IMMP2L: variants seen among roughly 807,000 people sequenced by gnomAD.
The protein encoded by IMMP2L is inner mitochondrial membrane peptidase subunit 2, also known as mitochondrial inner membrane protease subunit 2.
In IMMP2L, 18 loss-of-function variants were observed where a neutral mutation model predicts 19.3. The ratio of observed to expected loss-of-function variants is 0.93; its 90% CI spans 0.64 to 1.38. The LOEUF (loss-of-function observed/expected upper bound fraction) is 1.38. Ranked by LOEUF, IMMP2L falls within the 40% of genes most tolerant of loss-of-function variation. IMMP2L has a pLI of 0.00. For missense variants in IMMP2L, 233 were observed against 218.2 expected (o/e 1.07, Z -0.43); for synonymous variants, 76 against 73.0 (o/e 1.04, Z -0.21).
At chr7:111,301,862 C>G (rs1422113073) in intron 3 of IMMP2L, among the ~76,000 whole-genome samples, 1 of 129,112 alleles carries the variant, frequency 7.7e-6, no homozygotes, top group Non-Finnish European at 1.6e-5. Flanking sequence ...TATAGCTATA[C>G]AGTAGGTCTT....
intron 3 of IMMP2L, among the ~76,000 whole-genome samples, chr7:111,058,530 G>C (rs755361948): frequency 7.2e-5 from 11 of 152,008 alleles, no homozygotes; most frequent in South Asian, 2.1e-4. Context: ...AAGAGAACAG[G>C]GTTCCTTATA....
Position 110,822,897 on chromosome 7 carries a change from T to G in IMMP2L, c.408+63696A>C, listed in dbSNP as rs1803160498. The stretch of plus-strand genomic sequence containing the variant: ...ACAGAATGTAAGAAGTATGTCTTAT[T>G]CTATGTCTTATTCAAGGCTGGGGCC... On this transcript the variant is annotated intron_variant, in intron 5 of 5. Coordinates refer to ENST00000405709, the MANE Select transcript of IMMP2L (RefSeq NM_032549.4). Among the ~76,000 whole-genome samples, 3 of 152,120 alleles carry G rather than the reference T, an allele frequency of 2.0e-5. No homozygotes were observed. The South Asian group carries it at 6.2e-4, about 32-fold the overall frequency.
intron 1 of IMMP2L, among the ~76,000 whole-genome samples, chr7:111,556,014 G>GTGTGTA: frequency 2.9e-4 from 33 of 114,566 alleles, no homozygotes; most frequent in Non-Finnish European, 5.6e-4. Context: ...TCTTCTGTGT[G>GTGTGTA]CATGTATATA....
chr7:111,362,661 C>T (rs1829372732), intron 3 of IMMP2L, among the ~76,000 whole-genome samples: 2 of 151,964 alleles, frequency 1.3e-5, no homozygotes, highest in South Asian at 2.1e-4. Context: ...CTGTTGAAAC[C>T]GAAGAATTAG....
At chr7:110,843,113 A>G (rs1304107219) in intron 5 of IMMP2L, among the ~76,000 whole-genome samples, 1 of 108,886 alleles carries the variant, frequency 9.2e-6, no homozygotes, top group Non-Finnish European at 1.9e-5. Flanking sequence ...ATGAGGAGTA[A>G]CAACGACGAC....
chr7:111,233,791 C>T (rs1030775410), intron 3 of IMMP2L, among the ~76,000 whole-genome samples: 3 of 152,034 alleles, frequency 2.0e-5, no homozygotes. Context: ...AACTTAAAAA[C>T]TTACCAACAA....
chr7:110,762,600 C>A (rs1194167933), intron 5 of IMMP2L, among the ~76,000 whole-genome samples: 2 of 152,070 alleles, frequency 1.3e-5, no homozygotes, highest in Non-Finnish European at 2.9e-5. Flanking sequence ...TTCACAAGCA[C>A]CAAATATTAT....
At chr7:110,900,747 A>G (rs1811776499) in intron 4 of IMMP2L, among the ~76,000 whole-genome samples, 1 of 152,200 alleles carries the variant, frequency 6.6e-6, no homozygotes, top group Non-Finnish European at 1.5e-5. Context: ...TCCAGAAACT[A>G]GAGCTGGTAG....
chr7:111,029,457 C>A (rs1827180585), intron 3 of IMMP2L, among the ~76,000 whole-genome samples: 1 of 152,224 alleles, frequency 6.6e-6, no homozygotes, highest in East Asian at 1.9e-4. Context: ...TATTAGTAAG[C>A]CACTGAAGAG....
At chr7:111,264,889 G>A (rs929798117) in intron 3 of IMMP2L, among the ~76,000 whole-genome samples, 1 of 152,074 alleles carries the variant, frequency 6.6e-6, no homozygotes, top group Non-Finnish European at 1.5e-5. Context: ...GGAACCAATG[G>A]GAAAGGACGC....
chr7:111,134,763 T>C (rs1488713207), intron 3 of IMMP2L, among the ~76,000 whole-genome samples: 1 of 151,990 alleles, frequency 6.6e-6, no homozygotes, highest in Non-Finnish European at 1.5e-5. Flanking sequence ...AAAAAATAAA[T>C]AGGATAAAAG....
chr7:111,517,848 T>C (rs1368230432), intron 2 of IMMP2L, among the ~76,000 whole-genome samples: 2 of 152,112 alleles, frequency 1.3e-5, no homozygotes, highest in Non-Finnish European at 2.9e-5. Context: ...GTGATTCATG[T>C]GCATGAGGGG....
intron 4 of IMMP2L, among the ~76,000 whole-genome samples, chr7:110,954,993 C>T (rs769235072): frequency 1.3e-5 from 2 of 151,994 alleles, no homozygotes; most frequent in Admixed American, 6.6e-5. Context: ...CTCCAGAAAC[C>T]TCCCTATACT....
chr7:111,552,646 A>G (rs1001761042), intron 1 of IMMP2L, among the ~76,000 whole-genome samples: 11 of 152,154 alleles, frequency 7.2e-5, no homozygotes, highest in Non-Finnish European at 1.2e-4. Context: ...AATGCTTACA[A>G]TGAAACTCAA....
chr7:110,759,242 T>C (rs530286267), intron 5 of IMMP2L, among the ~76,000 whole-genome samples: 1 of 152,186 alleles, frequency 6.6e-6, no homozygotes, highest in East Asian at 1.9e-4. Context: ...ACTCTGTTCA[T>C]ACCTGTGCTA....
intron 3 of IMMP2L, among the ~76,000 whole-genome samples, chr7:111,038,337 T>G (rs952439350): frequency 1.3e-5 from 2 of 152,078 alleles, no homozygotes; most frequent in African/African-American, 2.4e-5. Context: ...GGAAAAGGAG[T>G]AAGCCCACAG....
At chr7:110,988,562 T>C (rs1053242262) in intron 3 of IMMP2L, among the ~76,000 whole-genome samples, 1 of 152,100 alleles carries the variant, frequency 6.6e-6, no homozygotes, top group Non-Finnish European at 1.5e-5. Flanking sequence ...CTTTGCTACA[T>C]GTGTACAGGG....
chr7:111,485,597 CAAAAAAAAAAA>C lies in IMMP2L; in HGVS notation c.239+1630_239+1640del, dbSNP rs71147477. On this transcript the variant is annotated intron_variant, in intron 3 of 5. Coordinates refer to ENST00000405709, the MANE Select transcript of IMMP2L (RefSeq NM_032549.4). The stretch of plus-strand genomic sequence containing the variant: ...TGCGCAACAGAGCGAGACTCTGTTT[CAAAAAAAAAAA>C]AAAAAAAAAAAAAAAAACACAGTTC... Among the ~76,000 whole-genome samples the C allele has an allele frequency of 4.1e-3, 207 of 50,590 alleles. 2 individuals are homozygous for C. The highest frequency in any genetic ancestry group is 0.014 in the African/African-American group (158 of 11,684). The allele number at this position is 50,590 out of a possible 152,430, so 33.2% of individuals were successfully genotyped here. A position where few individuals can be genotyped will look rare whatever the true frequency, so the allele number is the denominator to read the frequency against.
intron 3 of IMMP2L, among the ~76,000 whole-genome samples, chr7:111,101,320 T>G (rs1797952082): frequency 6.6e-6 from 1 of 151,518 alleles, no homozygotes; most frequent in African/African-American, 2.4e-5. Context: ...GGCATACTGA[T>G]AAGCGATAAT....
Sources: allele counts gnomAD v4.1 joint callset (sites outside exome capture counted in the v4.1 genomes callset), GRCh38; gene constraint gnomAD v4.1.1; transcripts MANE v1.5; gene names NCBI Gene and HGNC (gene_info 2026-07-23, HGNC 2026-07-21).